The following ERCC6 variants were observed in gnomAD, a reference collection of about 807,000 sequenced individuals.
ERCC6 encodes DNA excision repair protein ERCC-6.
Under a neutral mutation model 158.7 loss-of-function variants are expected in ERCC6, and 116 were observed. The observed-to-expected ratio is 0.73, with a 90% CI of 0.63 to 0.85. The LOEUF is 0.85. Ranked by LOEUF, ERCC6 falls within the 40% of genes least tolerant of loss-of-function variation. ERCC6 has a pLI of 0.00. For missense variants in ERCC6, 1,698 were observed against 1,799.4 expected (o/e 0.94, Z 1.02); for synonymous variants, 678 against 659.3 (o/e 1.03, Z -0.43).
the ERCC6 span, among the ~76,000 whole-genome samples, chr10:49,446,200 A>G: frequency 6.6e-6 from 1 of 150,754 alleles, no homozygotes; most frequent in Non-Finnish European, 1.5e-5. Flanking sequence ...TTTGAAGATG[A>G]CTCACCCATC....
intron 4 of ERCC6, among the ~76,000 whole-genome samples, chr10:49,525,393 A>G (rs1322688980): frequency 6.6e-6 from 1 of 152,218 alleles, no homozygotes; most frequent in Admixed American, 6.5e-5. Context: ...TGGCTACTAT[A>G]ATGGGCAACA....
intron 6 of ERCC6, chr10:49,503,611 A>C (rs1015291719): frequency 2.8e-4 from 42 of 152,252 alleles, no homozygotes; most frequent in Admixed American, 1.9e-3. Context: ...CTAGATGAGG[A>C]ATATAAGGGC....
intron 5 of ERCC6, among the ~76,000 whole-genome samples, chr10:49,522,139 T>C (rs185761464): frequency 2.0e-5 from 3 of 152,356 alleles, no homozygotes; most frequent in Admixed American, 2.0e-4. Flanking sequence ...CTCTATGACT[T>C]TATTCTAATC....
chr10:49,518,419 A>G (rs1837050110), intron 5 of ERCC6, among the ~76,000 whole-genome samples: 1 of 152,174 alleles, frequency 6.6e-6, no homozygotes, highest in South Asian at 2.1e-4. Context: ...AAATGACTTC[A>G]TCTCTCTGGG....
intron 16 of ERCC6, 75 bp from the exon 17 acceptor site, chr10:49,471,195 AAGAG>A (rs1850773905): frequency 6.8e-7 from 1 of 1,465,496 alleles, no homozygotes; most frequent in Non-Finnish European, 9.5e-7. Flanking sequence ...AAAGCAATAT[AAGAG>A]AGAGATGATA....
the ERCC6 span, among the ~76,000 whole-genome samples, chr10:49,446,251 ACACACACC>A: frequency 6.8e-4 from 93 of 137,176 alleles, no homozygotes; most frequent in African/African-American, 1.6e-3. Flanking sequence ...ACACACACAC[ACACACACC>A]CCCCAATTTA....
At chr10:49,442,523 G>A in the ERCC6 span, among the ~76,000 whole-genome samples, 1 of 152,212 alleles carries the variant, frequency 6.6e-6, no homozygotes, top group South Asian at 2.1e-4. Flanking sequence ...CACGATGCTG[G>A]TGATATGCAT....
intron 8 of ERCC6, among the ~76,000 whole-genome samples, chr10:49,488,600 T>C (rs749593091): frequency 6.6e-6 from 1 of 152,086 alleles, no homozygotes; most frequent in Non-Finnish European, 1.5e-5. Context: ...TCAGAATGTG[T>C]CTGAAATATT....
intron 8 of ERCC6, among the ~76,000 whole-genome samples, chr10:49,486,745 C>T (rs1388157825): frequency 6.6e-6 from 1 of 152,200 alleles, no homozygotes; most frequent in Admixed American, 6.5e-5. Context: ...AGATGTTATA[C>T]TCTTCTCACC....
At chr10:49,527,447 A>T (rs1837366452) in intron 4 of ERCC6, among the ~76,000 whole-genome samples, 1 of 152,164 alleles carries the variant, frequency 6.6e-6, no homozygotes, top group Non-Finnish European at 1.5e-5. Context: ...GGCCAAGGTG[A>T]GCAGATCACC....
chr10:49,442,675 G>T, the ERCC6 span, among the ~76,000 whole-genome samples: 1 of 152,186 alleles, frequency 6.6e-6, no homozygotes, highest in Non-Finnish European at 1.5e-5. Context: ...CACTGTGCTT[G>T]GTTGACCATG....
chr10:49,435,624 T>G, the ERCC6 span, among the ~76,000 whole-genome samples: 5 of 152,194 alleles, frequency 3.3e-5, no homozygotes, highest in Admixed American at 2.0e-4. Flanking sequence ...TAATGATGAA[T>G]GCATAGCATA....
In ERCC6 at chr10:49,524,522, G is replaced by A. The variant is rs762167817; in HGVS notation, c.908C>T (p.Thr303Met). ...RAARKAPAPV[T>M]PPAPVQNKNK... ...TTTATTTTGCACTGGGGCTGGAGGC[G>A]TGACTGGGGCTGGAGCTTTTCTAGC... The change falls in exon 5 of 21, where the codon ACG (threonine) becomes ATG (methionine). Residue 303 changes from threonine to methionine, a missense_variant. Coordinates refer to ENST00000355832, the MANE Select transcript of ERCC6 (RefSeq NM_000124.4). 40 of 1,614,190 alleles carry A rather than the reference G, an allele frequency of 2.5e-5. No homozygotes were observed. Among genetic ancestry groups the A allele is most frequent in the Middle Eastern group, 1.6e-4 (1 of 6,062 alleles).
intron 5 of ERCC6, chr10:49,515,882 G>T: frequency 6.2e-7 from 1 of 1,614,128 alleles, no homozygotes; most frequent in South Asian, 1.1e-5. Context: ...CATTCCATCT[G>T]CAGACAATAT....
intron 10 of ERCC6, among the ~76,000 whole-genome samples, chr10:49,481,427 T>C (rs1850978006): frequency 6.6e-6 from 1 of 152,198 alleles, no homozygotes; most frequent in African/African-American, 2.4e-5. Flanking sequence ...TCTCAAAATG[T>C]AAAATATATT....
intron 12 of ERCC6, among the ~76,000 whole-genome samples, chr10:49,474,987 G>C (rs1234505283): frequency 6.6e-6 from 1 of 152,194 alleles, no homozygotes; most frequent in Non-Finnish European, 1.5e-5. Flanking sequence ...TCAAAGGGTA[G>C]GGTAGCTATC....
At chr10:49,527,982 CTGAA>C (rs1837380383) in intron 4 of ERCC6, among the ~76,000 whole-genome samples, 1 of 152,140 alleles carries the variant, frequency 6.6e-6, no homozygotes, top group Non-Finnish European at 1.5e-5. Flanking sequence ...CCCAGAGTAC[CTGAA>C]TGAAGATGTC....
intron 5 of ERCC6, among the ~76,000 whole-genome samples, chr10:49,510,835 G>C (rs773298508): frequency 6.6e-6 from 1 of 151,872 alleles, no homozygotes; most frequent in Non-Finnish European, 1.5e-5. Context: ...TTTCTGTTCT[G>C]TCTCATTTAG....
At chr10:49,501,176 A>ATC (rs1851349679) in intron 6 of ERCC6, 1 of 161,270 alleles carries the variant, frequency 6.2e-6, no homozygotes, top group African/African-American at 2.4e-5. Context: ...ACTGTTGAAA[A>ATC]GTCACTTGGT....
Sources: allele counts gnomAD v4.1 joint callset (sites outside exome capture counted in the v4.1 genomes callset), GRCh38; gene constraint gnomAD v4.1.1; transcripts MANE v1.5; gene names NCBI Gene and HGNC (gene_info 2026-07-23, HGNC 2026-07-21).